The following PCDHGA6 variants were observed in gnomAD, a reference collection of about 807,000 sequenced individuals.
PCDHGA6 encodes protocadherin gamma subfamily A, 6, also known as protocadherin gamma-A6.
A neutral mutation model predicts 60.6 loss-of-function variants in PCDHGA6; 41 were observed. The observed-to-expected ratio is 0.68, with a 90% CI of 0.53 to 0.88. The LOEUF is 0.88. Ranked by LOEUF, PCDHGA6 falls within the 40% of genes least tolerant of loss-of-function variation. The pLI, the probability that PCDHGA6 is intolerant of heterozygous loss-of-function variation, is 0.00. For missense variants in PCDHGA6, 1,312 were observed against 1,203.0 expected (o/e 1.09, Z -1.34); for synonymous variants, 594 against 524.4 (o/e 1.13, Z -1.81).
chr5:141,382,470 A>G (rs918118556), intron 1 of PCDHGA6, among the ~76,000 whole-genome samples: 1 of 152,234 alleles, frequency 6.6e-6, no homozygotes, highest in African/African-American at 2.4e-5. Flanking sequence ...TTTAAAAATT[A>G]TCTAAGATTA....
chr5:141,437,617 C>T (rs570138576), intron 1 of PCDHGA6, among the ~76,000 whole-genome samples: 1 of 152,102 alleles, frequency 6.6e-6, no homozygotes, highest in Admixed American at 6.6e-5. Flanking sequence ...CTGCTTTATC[C>T]CCATATAAGA....
At chr5:141,466,574 T>C (rs978880367) in intron 1 of PCDHGA6, among the ~76,000 whole-genome samples, 5 of 152,218 alleles carry the variant, frequency 3.3e-5, no homozygotes, top group Non-Finnish European at 5.9e-5. Flanking sequence ...CAACATTGTC[T>C]CATCCCTTCT....
chr5:141,399,699 C>A lies in PCDHGA6; in HGVS notation c.2424+23192C>A, dbSNP rs555724833. ...TTGACTACGAGCAGCTGCGCACCTT[C>A]GAACTCACACTACAGGCCCGCGACC... On this transcript the variant is annotated intron_variant, in intron 1 of 3. Coordinates refer to ENST00000517434, the MANE Select transcript of PCDHGA6 (RefSeq NM_018919.3). The A allele has an allele frequency of 1.9e-6, 3 of 1,613,476 alleles. No homozygotes were observed. In the East Asian group the frequency reaches 6.7e-5, roughly 36 times the overall value.
chr5:141,426,310 A>G, intron 1 of PCDHGA6: 1 of 173,588 alleles, frequency 5.8e-6, no homozygotes. Context: ...GAAGCAGAGA[A>G]GCAGGACCCG....
chr5:141,398,736 A>G (rs748665574), intron 1 of PCDHGA6: 1 of 1,613,884 alleles, frequency 6.2e-7, no homozygotes, highest in South Asian at 1.1e-5. Context: ...TAGACCGGGA[A>G]CAACAGAGTT....
At chr5:141,497,855 C>T (rs1447484949) in intron 2 of PCDHGA6, among the ~76,000 whole-genome samples, 1 of 152,122 alleles carries the variant, frequency 6.6e-6, no homozygotes, top group Non-Finnish European at 1.5e-5. Flanking sequence ...ATTTTTGATT[C>T]AGCGGCTCCA....
intron 1 of PCDHGA6, chr5:141,390,350 A>G: frequency 6.4e-7 from 1 of 1,563,816 alleles, no homozygotes; most frequent in South Asian, 1.2e-5. Context: ...AAGAAAATAT[A>G]CATATTTGCA....
intron 1 of PCDHGA6, chr5:141,430,816 C>G: frequency 6.5e-7 from 1 of 1,538,128 alleles, no homozygotes. Context: ...TGGGAATCCT[C>G]CTGGGGACTC....
chr5:141,489,864 T>G lies in PCDHGA6; in HGVS notation c.2425-4943T>G, dbSNP rs1274301673. ...TGGATCGTGAAGCCCAGGCAAGACA[T>G]CAGCTGGTGCTTACTGCTGTGGATG... On this transcript the variant is annotated intron_variant, in intron 1 of 3. Coordinates refer to ENST00000517434, the MANE Select transcript of PCDHGA6 (RefSeq NM_018919.3). This position sits in a 1 kb window ranked among gnomAD's most constrained non-coding sequence, Gnocchi z 4.5. 5 of 1,614,064 alleles carry G rather than the reference T, an allele frequency of 3.1e-6. No individual in the cohort carries two copies. The highest frequency in any genetic ancestry group is 3.4e-6 in the Non-Finnish European group (4 of 1,180,022).
chr5:141,436,878 G>T (rs914354261), intron 1 of PCDHGA6, among the ~76,000 whole-genome samples: 1 of 152,216 alleles, frequency 6.6e-6, no homozygotes, highest in African/African-American at 2.4e-5. Context: ...GGCCATAAAA[G>T]ATGGGGGAAA....
intron 1 of PCDHGA6, among the ~76,000 whole-genome samples, chr5:141,466,921 AG>A (rs2099132133): frequency 6.6e-6 from 1 of 152,204 alleles, no homozygotes; most frequent in African/African-American, 2.4e-5. Context: ...TCCTTGTATT[AG>A]GAATATTAGT....
intron 1 of PCDHGA6, chr5:141,414,969 G>A (rs764972439): frequency 7.4e-6 from 12 of 1,613,954 alleles, no homozygotes; most frequent in South Asian, 1.1e-5. Context: ...TGGTGGCGGT[G>A]GACAGAGACT....
intron 1 of PCDHGA6, chr5:141,413,772 A>G: frequency 1.9e-6 from 3 of 1,613,226 alleles, no homozygotes; most frequent in Non-Finnish European, 2.5e-6. Context: ...CGGAGCTGGT[A>G]CTGGAGCACT....
intron 2 of PCDHGA6, among the ~76,000 whole-genome samples, chr5:141,503,340 T>A (rs1394172617): frequency 6.6e-6 from 1 of 152,064 alleles, no homozygotes; most frequent in African/African-American, 2.4e-5. Flanking sequence ...CTCACGCCTG[T>A]AATTCCAGCA....
In PCDHGA6 at chr5:141,383,687, C is replaced by T; in HGVS notation, c.2424+7180C>T. 1.2e-6 allele frequency: 2 copies of T among 1,613,968 alleles called. No homozygotes were observed. Among genetic ancestry groups the T allele is most frequent in the Middle Eastern group, 1.6e-4 (1 of 6,062 alleles). Reference sequence around the variant, plus strand: ...GTGCCAGTGGGTACAAGACTGCTCACGGTACATGCTATCGACCTGGACGAG... The same window carrying T: ...GTGCCAGTGGGTACAAGACTGCTCATGGTACATGCTATCGACCTGGACGAG... On this transcript the variant is annotated intron_variant, in intron 1 of 3. Coordinates refer to ENST00000517434, the MANE Select transcript of PCDHGA6 (RefSeq NM_018919.3).
intron 3 of PCDHGA6, among the ~76,000 whole-genome samples, chr5:141,510,208 G>A (rs560746333): frequency 2.0e-5 from 3 of 151,866 alleles, no homozygotes; most frequent in Admixed American, 1.3e-4. Context: ...AGGAGGCAGA[G>A]GTTGCAGTGA....
rs751214480 is a variant in PCDHGA6, at chr5:141,485,161, G to A, written c.2425-9646G>A. ...CGTCTCAGGAGCAAGTAGAGAATTA[G>A]CGGGCGGCAGCAATGCTCCGCAAGG... On this transcript the variant is annotated intron_variant, in intron 1 of 3. Transcript: ENST00000517434. The surrounding 1 kb of genome is among the most constrained non-coding windows in gnomAD (Gnocchi z 5.7). The A allele has an allele frequency of 8.1e-6, 13 of 1,603,712 alleles. No individual in the cohort carries two copies. The Admixed American group carries it at 2.0e-4, about 25-fold the overall frequency.
Position 141,450,631 on chromosome 5 carries a change from T to C in PCDHGA6, c.2425-44176T>C, listed in dbSNP as rs554043866. 6.1e-5 allele frequency among the ~76,000 whole-genome samples: 9 copies of C among 148,320 alleles called. No homozygotes were observed. In the East Asian group the frequency reaches 1.9e-3, roughly 31 times the overall value. Reference sequence around the variant, plus strand: ...CCTCCTGAGTAGCTGGGATTACAGATGCCTGCCACCATGCCTGGCTAATTT... The same window carrying C: ...CCTCCTGAGTAGCTGGGATTACAGACGCCTGCCACCATGCCTGGCTAATTT... On this transcript the variant is annotated intron_variant, in intron 1 of 3. Transcript: ENST00000517434.
rs1771564723 is a variant in PCDHGA6, at chr5:141,375,539, C to G, written c.1456C>G (p.Gln486Glu). ...GGACCCTGACGTGGACCAGAACGCC[C>G]AAGTCTCCTACTCACTGGCAGAAGA... ...ALDPDVDQNA[Q>E]VSYSLAEDTL... The change falls in exon 1 of 4, where the codon CAA (glutamine) becomes GAA (glutamate). Residue 486 changes from glutamine (Q) to glutamate (E), a missense_variant. By Grantham distance (29) the Gln-to-Glu change is conservative. Coordinates refer to ENST00000517434, the MANE Select transcript of PCDHGA6 (RefSeq NM_018919.3). The G allele has an allele frequency of 1.2e-6, 2 of 1,613,986 alleles. No homozygotes were observed. The highest frequency in any genetic ancestry group is 1.7e-6 in the Non-Finnish European group (2 of 1,179,920).
Sources: gnomAD v4.1 joint callset for allele counts (sites outside exome capture counted in the v4.1 genomes callset) on GRCh38, gnomAD v4.1.1 for gene constraint, Gnocchi (gnomAD v3.1) non-coding constraint, MANE v1.5 for transcripts, NCBI Gene and HGNC (gene_info 2026-07-23, HGNC 2026-07-21) for gene names.